The following TMC7 variants were observed in gnomAD, a reference collection of about 807,000 sequenced individuals.
TMC7 encodes transmembrane channel like 7.
A neutral mutation model predicts 82.9 loss-of-function variants in TMC7; 54 were observed. The observed-to-expected ratio is 0.65, with a 90% CI of 0.52 to 0.82. The LOEUF (loss-of-function observed/expected upper bound fraction) is 0.82, where lower values mean the gene tolerates loss of function less well. TMC7 is among the 40% of genes least tolerant of loss of function. TMC7 has a pLI of 0.00. For synonymous variants in TMC7, 350 were observed against 337.9 expected (o/e 1.04, Z -0.39); for missense variants, 820 against 901.2 (o/e 0.91, Z 1.15).
At chr16:18,986,648 C>T (rs1333537960) in intron 1 of TMC7, among the ~76,000 whole-genome samples, 2 of 152,136 alleles carry the variant, frequency 1.3e-5, no homozygotes, top group Admixed American at 6.6e-5. Flanking sequence ...GGTGATTCGA[C>T]CCCAGCCCCT....
intron 1 of TMC7, among the ~76,000 whole-genome samples, chr16:18,987,171 T>A (rs527439259): frequency 2.0e-5 from 3 of 152,196 alleles, no homozygotes. Context: ...GGCAGACCTC[T>A]GGGGCGGTCT....
At chr16:19,045,200 G>A in intron 10 of TMC7, 141 bp from the exon 11 acceptor site, 1 of 843,136 alleles carries the variant, frequency 1.2e-6, no homozygotes, top group Non-Finnish European at 2.0e-6. Context: ...CTGTGCTGAG[G>A]CTCAGAGTTT....
At chr16:19,018,692 T>C (rs1050569341) in intron 3 of TMC7, among the ~76,000 whole-genome samples, 23 of 151,986 alleles carry the variant, frequency 1.5e-4, no homozygotes, top group African/African-American at 5.6e-4. Flanking sequence ...TCCTAGTGCT[T>C]TGGGAGGCTG....
intron 3 of TMC7, among the ~76,000 whole-genome samples, chr16:19,017,762 C>T (rs984571455): frequency 2.0e-5 from 3 of 151,906 alleles, no homozygotes; most frequent in South Asian, 2.1e-4. Flanking sequence ...CTCCGCCCCC[C>T]GGGGTTCACG....
intron 13 of TMC7, among the ~76,000 whole-genome samples, chr16:19,056,074 TTTTCTTTCTTTC>T (rs571963759): frequency 1.3e-5 from 2 of 151,848 alleles, no homozygotes; most frequent in Non-Finnish European, 2.9e-5. Context: ...AGGGTAAGCA[TTTTCTTTCTTTC>T]TTTCTTTCTT....
chr16:19,004,372 A>G (rs1255356122), intron 1 of TMC7, among the ~76,000 whole-genome samples: 3 of 151,964 alleles, frequency 2.0e-5, no homozygotes, highest in Admixed American at 1.3e-4. Flanking sequence ...ATTTATTTGT[A>G]TATATTTTTT....
chr16:19,029,683 ATTT>A (rs1200039787), intron 5 of TMC7, among the ~76,000 whole-genome samples: 2 of 133,846 alleles, frequency 1.5e-5, no homozygotes, highest in Non-Finnish European at 3.2e-5. Flanking sequence ...CCATCTGTGC[ATTT>A]TTTTTTTTTT....
At chr16:19,007,883 G>A (rs1197519477) in intron 1 of TMC7, among the ~76,000 whole-genome samples, 1 of 151,454 alleles carries the variant, frequency 6.6e-6, no homozygotes, top group Non-Finnish European at 1.5e-5. Context: ...TAACTGCCGC[G>A]TGAGTAGGGC....
intron 1 of TMC7, among the ~76,000 whole-genome samples, chr16:19,003,720 C>G (rs2142154882): frequency 1.0e-5 from 1 of 96,898 alleles, no homozygotes; most frequent in East Asian, 2.7e-4. Context: ...TCCTGTTGAT[C>G]TGTGACCTTA....
At chr16:18,984,181 C>G in intron 1 of TMC7, 51 bp downstream of exon 1, 1 of 1,446,154 alleles carries the variant, frequency 6.9e-7, no homozygotes, top group South Asian at 1.4e-5. Context: ...GGTCCGAGGG[C>G]GCACGGAGGG....
At chr16:19,019,348 G>A (rs1007677793) in intron 3 of TMC7, among the ~76,000 whole-genome samples, 7 of 152,150 alleles carry the variant, frequency 4.6e-5, no homozygotes, top group Non-Finnish European at 8.8e-5. Context: ...TTTATTTGGA[G>A]AATATAACAT....
Position 18,983,956 on chromosome 16 carries a change from C to A in TMC7, c.-108C>A. 8.3e-7 allele frequency: 1 copy of A among 1,212,052 alleles called. No homozygotes were observed. Among genetic ancestry groups the A allele is most frequent in the Non-Finnish European group, 1.1e-6 (1 of 938,244 alleles). The allele number at this position is 1,212,052 out of a possible 1,614,324, so 75.1% of individuals were successfully genotyped here. ...CCCACTCCGGCTTCTGTGATGTCAG[C>A]GCCGGAACCTGGAATCCCGGCTCCG... On this transcript the variant is annotated 5_prime_UTR_variant, in exon 1 of 16. Coordinates refer to ENST00000304381, the MANE Select transcript of TMC7 (RefSeq NM_024847.4).
intron 1 of TMC7, among the ~76,000 whole-genome samples, chr16:18,989,405 T>C (rs912540529): frequency 6.6e-6 from 1 of 152,164 alleles, no homozygotes; most frequent in Non-Finnish European, 1.5e-5. Flanking sequence ...AGTGGCTTTT[T>C]TTTGTTTGTT....
At position 19,007,421 on chromosome 16, in the gene TMC7, A is replaced by G. The variant is rs115623003; in HGVS notation, c.68-1751A>G. ...GCAGAGGGCCAGGCCAGTGTGGCTC[A>G]TTGGAGGCCACCAACGAAACCGCCC... On this transcript the variant is annotated intron_variant, in intron 1 of 15. Transcript: ENST00000304381. Among the ~76,000 whole-genome samples the G allele has an allele frequency of 6.9e-3, 1,050 of 152,312 alleles. 9 individuals are homozygous for G. The highest frequency in any genetic ancestry group is 0.024 in the African/African-American group (997 of 41,562).
intron 9 of TMC7, among the ~76,000 whole-genome samples, chr16:19,044,495 G>T (rs1961168547): frequency 6.6e-6 from 1 of 151,894 alleles, no homozygotes; most frequent in Non-Finnish European, 1.5e-5. Flanking sequence ...TGCCTGGCTG[G>T]GGTTTTAAGA....
intron 3 of TMC7, among the ~76,000 whole-genome samples, chr16:19,016,841 A>G (rs931689404): frequency 6.6e-6 from 1 of 152,140 alleles, no homozygotes; most frequent in Admixed American, 6.5e-5. Flanking sequence ...ACCCATGAAT[A>G]CTTGGAAATT....
intron 5 of TMC7, among the ~76,000 whole-genome samples, chr16:19,026,166 T>C (rs1960215919): frequency 1.5e-5 from 2 of 129,754 alleles, no homozygotes; most frequent in African/African-American, 3.4e-5. Flanking sequence ...AAATGTCTAC[T>C]ATGCAAAAAA....
At chr16:19,013,610 C>A (rs73526789) in intron 2 of TMC7, among the ~76,000 whole-genome samples, 7,058 of 152,030 alleles carry the variant, frequency 0.046, 557 homozygotes, top group African/African-American at 0.16. Context: ...CTCTGCCTCG[C>A]GGGTTTCAGC....
At chr16:18,992,611 T>A (rs1489511974) in intron 1 of TMC7, among the ~76,000 whole-genome samples, 1 of 152,196 alleles carries the variant, frequency 6.6e-6, no homozygotes, top group South Asian at 2.1e-4. Context: ...ATTAGATCCC[T>A]TTTGTCAATT....
Sources: gnomAD v4.1 joint callset for allele counts (sites outside exome capture counted in the v4.1 genomes callset) on GRCh38, gnomAD v4.1.1 for gene constraint, MANE v1.5 for transcripts, NCBI Gene and HGNC (gene_info 2026-07-23, HGNC 2026-07-21) for gene names.